SMYD3: variants seen among roughly 807,000 people sequenced by gnomAD.
The protein encoded by SMYD3 is histone-lysine N-methyltransferase SMYD3.
In SMYD3, 36 loss-of-function variants were observed where a neutral mutation model predicts 57.7. The observed-to-expected ratio is 0.62, with a 90% CI of 0.48 to 0.82. The LOEUF (loss-of-function observed/expected upper bound fraction) is 0.82, where lower values mean the gene tolerates loss of function less well. Ranked by LOEUF, SMYD3 falls within the 40% of genes least tolerant of loss-of-function variation. The pLI is 0.00. For missense variants in SMYD3, 515 were observed against 538.8 expected (o/e 0.96, Z 0.44); for synonymous variants, 211 against 195.0 (o/e 1.08, Z -0.68).
intron 5 of SMYD3, among the ~76,000 whole-genome samples, chr1:246,247,844 T>TA (rs903516002): frequency 2.0e-5 from 3 of 152,152 alleles, no homozygotes; most frequent in African/African-American, 7.2e-5. Flanking sequence ...CTTTTATCCT[T>TA]AAAAAATCCA....
chr1:245,940,899 C>G (rs1047616090), intron 5 of SMYD3, among the ~76,000 whole-genome samples: 1 of 152,146 alleles, frequency 6.6e-6, no homozygotes. Context: ...TAACCCAATG[C>G]AAAGAAGCTA....
chr1:246,441,904 G>A lies in SMYD3; in HGVS notation c.164+65150C>T, dbSNP rs532816305. The stretch of plus-strand genomic sequence containing the variant: ...TGGGACTACAGGCGTGAACTTACGC[G>A]CCCCACCTTCTTTCTCTTTACTATC... On this transcript the variant is annotated intron_variant, in intron 1 of 11. Transcript: ENST00000490107. Among the ~76,000 whole-genome samples, 14 of 152,292 alleles carry A rather than the reference G, an allele frequency of 9.2e-5. No individual in the cohort carries two copies. The East Asian group carries it at 1.9e-3, about 21-fold the overall frequency.
At chr1:246,477,079 T>G (rs766619303) in intron 1 of SMYD3, among the ~76,000 whole-genome samples, 2 of 152,178 alleles carry the variant, frequency 1.3e-5, no homozygotes, top group Non-Finnish European at 2.9e-5. Flanking sequence ...TGAAACCAAT[T>G]TTCTTCTTTC....
intron 1 of SMYD3, among the ~76,000 whole-genome samples, chr1:246,422,865 T>C (rs981265131): frequency 6.6e-6 from 1 of 152,152 alleles, no homozygotes; most frequent in Non-Finnish European, 1.5e-5. Flanking sequence ...AAATATTTAC[T>C]GAACCCCTAC....
intron 8 of SMYD3, among the ~76,000 whole-genome samples, chr1:245,864,952 T>G (rs1432485201): frequency 6.6e-6 from 1 of 152,062 alleles, no homozygotes; most frequent in Non-Finnish European, 1.5e-5. Context: ...CAAAAGAAAA[T>G]TATGAGCTAC....
chr1:246,499,935 G>A (rs1204774784), intron 1 of SMYD3, among the ~76,000 whole-genome samples: 1 of 152,060 alleles, frequency 6.6e-6, no homozygotes, highest in Non-Finnish European at 1.5e-5. Flanking sequence ...AGACTAAAAG[G>A]TCTGAGAACC....
chr1:246,247,583 G>C (rs1029576237), intron 5 of SMYD3, among the ~76,000 whole-genome samples: 3 of 151,088 alleles, frequency 2.0e-5, no homozygotes, highest in Non-Finnish European at 4.4e-5. Context: ...TCACAAAGCA[G>C]TTTCTTCTCT....
intron 5 of SMYD3, among the ~76,000 whole-genome samples, chr1:246,064,519 C>T (rs1303732758): frequency 6.6e-6 from 1 of 152,164 alleles, no homozygotes; most frequent in Admixed American, 6.5e-5. Flanking sequence ...CAAATCTTCC[C>T]CAGATATCCC....
At chr1:246,255,295 ATCTT>A (rs2063863344) in intron 5 of SMYD3, among the ~76,000 whole-genome samples, 1 of 115,414 alleles carries the variant, frequency 8.7e-6, no homozygotes, top group Non-Finnish European at 1.9e-5. Context: ...ATTTTGATGG[ATCTT>A]ATTATTTGAT....
rs1272809296 is a variant in SMYD3 at position 246,185,407 on chromosome 1, T to C, written c.531+141794A>G. Among the ~76,000 whole-genome samples, 7 of 150,482 alleles carry C rather than the reference T, an allele frequency of 4.7e-5. No individual in the cohort carries two copies. The East Asian group carries it at 1.4e-3, about 29-fold the overall frequency. ...GCCCGCCAACACGCCCGGCTAATTT[T>C]TGTACTTTTAGTAGAGACAGGGTTT... On this transcript the variant is annotated intron_variant, in intron 5 of 11. Coordinates refer to ENST00000490107, the MANE Select transcript of SMYD3 (RefSeq NM_001167740.2).
intron 9 of SMYD3, among the ~76,000 whole-genome samples, chr1:245,861,069 C>T (rs561836312): frequency 1.1e-4 from 17 of 152,346 alleles, no homozygotes; most frequent in East Asian, 1.9e-4. Flanking sequence ...GAAGGGACTA[C>T]GTGCCAATTT....
chr1:245,766,138 C>T (rs2817502), intron 10 of SMYD3, among the ~76,000 whole-genome samples: 51,740 of 151,552 alleles, frequency 0.34, 12,929 homozygotes, highest in African/African-American at 0.7. Context: ...GGCGCGGCGG[C>T]TCACACCTGT....
intron 1 of SMYD3, among the ~76,000 whole-genome samples, chr1:246,386,905 C>G (rs1442138153): frequency 6.6e-6 from 1 of 151,702 alleles, no homozygotes; most frequent in Admixed American, 6.6e-5. Flanking sequence ...AAAAAAAAAA[C>G]CTTTTTGTGC....
At chr1:246,182,907 C>T (rs919921094) in intron 5 of SMYD3, among the ~76,000 whole-genome samples, 4 of 152,082 alleles carry the variant, frequency 2.6e-5, no homozygotes, top group Non-Finnish European at 4.4e-5. Flanking sequence ...TTTCCAGACC[C>T]GGCTGAGAAG....
intron 5 of SMYD3, among the ~76,000 whole-genome samples, chr1:245,990,666 A>G (rs1229311632): frequency 2.6e-5 from 4 of 152,230 alleles, no homozygotes; most frequent in Non-Finnish European, 5.9e-5. Context: ...TCAGGAGCCA[A>G]GAAATAAGAG....
At chr1:246,252,547 G>GT (rs1020073764) in intron 5 of SMYD3, among the ~76,000 whole-genome samples, 9 of 151,762 alleles carry the variant, frequency 5.9e-5, no homozygotes, top group East Asian at 1.9e-4. Context: ...AAAGGTTTCT[G>GT]TTTAAAAAAA....
chr1:246,134,082 T>G (rs1197045083), intron 5 of SMYD3, among the ~76,000 whole-genome samples: 3 of 152,140 alleles, frequency 2.0e-5, no homozygotes, highest in Admixed American at 2.0e-4. Flanking sequence ...AAGATGACAT[T>G]TTAATTTTCC....
intron 1 of SMYD3, among the ~76,000 whole-genome samples, chr1:246,370,345 T>TA (rs2066174132): frequency 6.6e-6 from 1 of 152,184 alleles, no homozygotes; most frequent in Admixed American, 6.5e-5. Context: ...ACACAGACTA[T>TA]ACAGGACCCC....
At chr1:246,266,329 A>G (rs2064106139) in intron 5 of SMYD3, among the ~76,000 whole-genome samples, 1 of 152,150 alleles carries the variant, frequency 6.6e-6, no homozygotes, top group Admixed American at 6.6e-5. Flanking sequence ...TACCAGGACC[A>G]ACTCTAATGT....
Sources: gnomAD v4.1 joint callset for allele counts (sites outside exome capture counted in the v4.1 genomes callset) on GRCh38, gnomAD v4.1.1 for gene constraint, MANE v1.5 for transcripts, NCBI Gene and HGNC (gene_info 2026-07-23, HGNC 2026-07-21) for gene names.